AATF: variants seen among roughly 807,000 people sequenced by gnomAD.
AATF encodes apoptosis antagonizing transcription factor.
In AATF, 48 loss-of-function variants were observed where a neutral mutation model predicts 63.7. The observed-to-expected ratio is 0.75, with a 90% CI of 0.60 to 0.96. The LOEUF (loss-of-function observed/expected upper bound fraction) is 0.96, where lower values mean the gene tolerates loss of function less well. Among genes scored for constraint, AATF ranks in the 40% least tolerant of loss-of-function variants. AATF has a pLI of 0.00. For synonymous variants in AATF, 258 were observed against 247.7 expected, an observed-to-expected ratio of 1.04 and a Z score of -0.39; for missense variants, 639 against 685.7, an observed-to-expected ratio of 0.93 and a Z score of 0.76.
At chr17:37,000,467 T>A (rs546582455) in intron 8 of AATF, among the ~76,000 whole-genome samples, 2 of 152,324 alleles carry the variant, frequency 1.3e-5, no homozygotes, top group Non-Finnish European at 2.9e-5. Context: ...ATGTTGGCTT[T>A]ATTTTTGTTA....
At chr17:36,979,426 A>G (rs2071103887) in intron 4 of AATF, among the ~76,000 whole-genome samples, 1 of 152,190 alleles carries the variant, frequency 6.6e-6, no homozygotes, top group Non-Finnish European at 1.5e-5. Context: ...GACTAGTGCA[A>G]GTGGCAGGCT....
At position 37,056,598 on chromosome 17, in the gene AATF, T is replaced by G; in HGVS notation, c.1620-3T>G. 2 of 1,614,194 alleles carry G rather than the reference T, an allele frequency of 1.2e-6. No homozygotes were observed. The highest frequency in any genetic ancestry group is 8.5e-7 in the Non-Finnish European group (1 of 1,180,028). On this transcript the variant is annotated splice_region_variant and splice_polypyrimidine_tract_variant and intron_variant, in intron 11 of 11. Transcript: ENST00000619387. ...TAACCAGTTTGCTGTGTTTGTCTTT[T>G]AGGACAGAACTGTACCGCTCTCTTT...
chr17:36,954,787 T>C (rs1313341331), intron 4 of AATF, among the ~76,000 whole-genome samples: 1 of 152,126 alleles, frequency 6.6e-6, no homozygotes, highest in Non-Finnish European at 1.5e-5. Context: ...TTTTCTACCT[T>C]ATGATGTAGG....
At chr17:37,015,774 A>T (rs913769300) in intron 8 of AATF, among the ~76,000 whole-genome samples, 2 of 152,156 alleles carry the variant, frequency 1.3e-5, no homozygotes, top group African/African-American at 2.4e-5. Flanking sequence ...ATAGAATGGG[A>T]TGTTAGCTTT....
At chr17:37,041,445 C>T (rs1195014161) in intron 11 of AATF, among the ~76,000 whole-genome samples, 1 of 152,164 alleles carries the variant, frequency 6.6e-6, no homozygotes, top group Non-Finnish European at 1.5e-5. Context: ...AGTTACATGA[C>T]TCTTTTCTTT....
intron 4 of AATF, among the ~76,000 whole-genome samples, chr17:36,968,669 C>G (rs531503523): frequency 6.6e-6 from 1 of 151,256 alleles, no homozygotes; most frequent in African/African-American, 2.4e-5. Flanking sequence ...TCACCTAGAC[C>G]GGAGTACAGT....
intron 7 of AATF, among the ~76,000 whole-genome samples, chr17:36,989,785 G>C (rs1276627122): frequency 2.0e-5 from 3 of 152,152 alleles, no homozygotes; most frequent in Non-Finnish European, 4.4e-5. Flanking sequence ...AAAGGGTGCA[G>C]AAGTGGAATA....
chr17:36,981,332 C>G (rs537620492), intron 4 of AATF, among the ~76,000 whole-genome samples: 2 of 152,048 alleles, frequency 1.3e-5, no homozygotes, highest in South Asian at 2.1e-4. Flanking sequence ...ATATAGACTG[C>G]TTTGCAGCTT....
At chr17:36,968,832 C>A (rs557173679) in intron 4 of AATF, among the ~76,000 whole-genome samples, 1 of 152,050 alleles carries the variant, frequency 6.6e-6, no homozygotes, top group Non-Finnish European at 1.5e-5. Flanking sequence ...GTTGCCCAGG[C>A]TGGTCTTGAA....
chr17:37,011,909 G>A (rs1275005192), intron 8 of AATF, among the ~76,000 whole-genome samples: 2 of 152,166 alleles, frequency 1.3e-5, no homozygotes, highest in African/African-American at 4.8e-5. Context: ...GGAACATATA[G>A]TTGGGGAATA....
chr17:37,047,336 CAT>C (rs1228057569), intron 11 of AATF, among the ~76,000 whole-genome samples: 2 of 151,728 alleles, frequency 1.3e-5, no homozygotes, highest in African/African-American at 2.4e-5. Context: ...TCTTTAAAAT[CAT>C]GTGGAAGATT....
At chr17:36,999,234 G>T (rs1027312381) in intron 8 of AATF, 3 of 152,062 alleles carry the variant, frequency 2.0e-5, no homozygotes, top group African/African-American at 7.2e-5. Context: ...GTGGATGTTT[G>T]AAAATTTCTG....
At chr17:37,047,149 G>A (rs577512077) in intron 11 of AATF, among the ~76,000 whole-genome samples, 15 of 152,280 alleles carry the variant, frequency 9.9e-5, no homozygotes, top group African/African-American at 3.6e-4. Context: ...TCCTTTGTGA[G>A]GCCATTTGTC....
At position 36,986,741 on chromosome 17, in the gene AATF, C is replaced by T. The variant is rs762510959; in HGVS notation, c.947+10C>T. On this transcript the variant is annotated intron_variant, in intron 5 of 11. Transcript: ENST00000619387. ...AGCCCAATGCGGGAAGGTAAGAGAACAGAATCATGGAGTTGCTTATTTTCT... is the reference window on the plus strand; with the variant it reads ...AGCCCAATGCGGGAAGGTAAGAGAATAGAATCATGGAGTTGCTTATTTTCT... The T allele has an allele frequency of 6.3e-7, 1 of 1,599,678 alleles. No homozygotes were observed. Among genetic ancestry groups the T allele is most frequent in the Non-Finnish European group, 8.6e-7 (1 of 1,167,100 alleles).
At position 36,950,425 on chromosome 17, in the gene AATF, T is replaced by G. The variant is rs1482375698; in HGVS notation, c.283+20T>G. On this transcript the variant is annotated intron_variant, in intron 2 of 11. Transcript: ENST00000619387. ...CGTCTGGTGAGTAGACATTTTTGAATGGAACTCTTCTCTTCCCTAATTTTT... is the reference window on the plus strand; with the variant it reads ...CGTCTGGTGAGTAGACATTTTTGAAGGGAACTCTTCTCTTCCCTAATTTTT... 1 of 1,607,978 alleles carries G rather than the reference T, an allele frequency of 6.2e-7. No homozygotes were observed. Among genetic ancestry groups the G allele is most frequent in the South Asian group, 1.1e-5 (1 of 90,754 alleles).
chr17:37,020,092 C>A (rs1165219724), intron 9 of AATF, among the ~76,000 whole-genome samples: 1 of 151,432 alleles, frequency 6.6e-6, no homozygotes, highest in Non-Finnish European at 1.5e-5. Flanking sequence ...CTTTTTTTCA[C>A]TTTAGTTCAT....
chr17:36,956,946 A>G (rs2070906074), intron 4 of AATF, among the ~76,000 whole-genome samples: 1 of 152,112 alleles, frequency 6.6e-6, no homozygotes, highest in Admixed American at 6.5e-5. Flanking sequence ...AGTGCACTCT[A>G]GCCTGAGCGA....
Position 36,949,028 on chromosome 17 carries a change from A to T in AATF, c.-98A>T. The T allele has an allele frequency of 8.6e-7, 1 of 1,158,460 alleles. No homozygotes were observed. Among genetic ancestry groups the T allele is most frequent in the East Asian group, 2.7e-5 (1 of 37,536 alleles). The allele number at this position is 1,158,460 out of a possible 1,614,324, so 71.8% of individuals were successfully genotyped here. A position where few individuals can be genotyped will look rare whatever the true frequency, so the allele number is the denominator to read the frequency against. On this transcript the variant is annotated 5_prime_UTR_variant, in exon 1 of 12. Transcript: ENST00000619387. ...GTCTCTGGCGGAGTCGGGGAATCGG[A>T]TCAAGGCGAGAGGATCCGGCAGGGA...
intron 4 of AATF, among the ~76,000 whole-genome samples, chr17:36,966,239 AGTT>A (rs1391625280): frequency 6.6e-6 from 1 of 151,890 alleles, no homozygotes; most frequent in African/African-American, 2.4e-5. Context: ...CAATTTTTTA[AGTT>A]GTTATTTTTA....
Sources: allele counts gnomAD v4.1 joint callset (sites outside exome capture counted in the v4.1 genomes callset), GRCh38; gene constraint gnomAD v4.1.1; transcripts MANE v1.5; gene names NCBI Gene and HGNC (gene_info 2026-07-23, HGNC 2026-07-21).